PPP2R2B: variants seen among roughly 807,000 people sequenced by gnomAD.
PPP2R2B encodes the protein serine/threonine-protein phosphatase 2A 55 kDa regulatory subunit B beta isoform.
In PPP2R2B, 5 loss-of-function variants were observed where a neutral mutation model predicts 46.0. The observed-to-expected ratio is 0.11, with a 90% CI of 0.06 to 0.23. PPP2R2B has a LOEUF of 0.23. Among genes scored for constraint, PPP2R2B ranks in the 10% least tolerant of loss-of-function variants. The pLI is 1.00. For missense variants in PPP2R2B, 367 were observed against 575.0 expected (o/e 0.64, Z 3.70); for synonymous variants, 215 against 206.7 (o/e 1.04, Z -0.34).
chr5:146,734,699 C>A (rs1459333401), intron 2 of PPP2R2B, among the ~76,000 whole-genome samples: 2 of 152,116 alleles, frequency 1.3e-5, no homozygotes, highest in East Asian at 1.9e-4. Flanking sequence ...CAAACTGAGA[C>A]CCTCTGCTGT....
chr5:146,966,051 A>T (rs1410031800), intron 1 of PPP2R2B, among the ~76,000 whole-genome samples: 1 of 152,236 alleles, frequency 6.6e-6, no homozygotes, highest in African/African-American at 2.4e-5. Context: ...TATTTCAGAC[A>T]TAAAATGCAA....
chr5:146,637,182 T>C (rs1340797986), intron 7 of PPP2R2B, among the ~76,000 whole-genome samples: 1 of 152,198 alleles, frequency 6.6e-6, no homozygotes, highest in East Asian at 1.9e-4. Flanking sequence ...CCCCTCAGAG[T>C]TCTTTATTGT....
At chr5:146,961,864 C>T (rs1752187377) in intron 1 of PPP2R2B, among the ~76,000 whole-genome samples, 1 of 151,736 alleles carries the variant, frequency 6.6e-6, no homozygotes, top group Non-Finnish European at 1.5e-5. Flanking sequence ...TATGGTGTCC[C>T]TATTAGTCAA....
At position 146,729,522 on chromosome 5, in the gene PPP2R2B, A is replaced by C. The variant is rs188417357; in HGVS notation, c.71-28380T>G. On this transcript the variant is annotated intron_variant, in intron 2 of 9. Coordinates refer to ENST00000394411, the MANE Select transcript of PPP2R2B (RefSeq NM_181675.4). ...AAAATGTCTCCAGGCCATGTGAGAG[A>C]CCTTCATGACAGCCCCTCCCATCAC... Among the ~76,000 whole-genome samples the C allele has an allele frequency of 2.1e-3, 320 of 152,274 alleles. 1 individual carries two copies. The highest frequency in any genetic ancestry group is 7.1e-3 in the African/African-American group (294 of 41,560).
At chr5:146,779,681 C>T (rs1273356305) in intron 2 of PPP2R2B, among the ~76,000 whole-genome samples, 1 of 152,108 alleles carries the variant, frequency 6.6e-6, no homozygotes, top group Non-Finnish European at 1.5e-5. Context: ...ATTATAGATG[C>T]ATGCTTGGTC....
chr5:146,912,287 C>A (rs1323719882), intron 1 of PPP2R2B, among the ~76,000 whole-genome samples: 4 of 150,264 alleles, frequency 2.7e-5, no homozygotes, highest in Non-Finnish European at 4.4e-5. Context: ...TACAGCATAC[C>A]CTAAAGAGAG....
intron 1 of PPP2R2B, among the ~76,000 whole-genome samples, chr5:146,899,440 C>T (rs1762752796): frequency 1.5e-5 from 2 of 130,262 alleles, no homozygotes; most frequent in Non-Finnish European, 3.1e-5. Flanking sequence ...CACATGGACA[C>T]AGGAAGGGGA....
chr5:146,672,580 A>C (rs541522063), intron 5 of PPP2R2B, among the ~76,000 whole-genome samples: 1 of 152,150 alleles, frequency 6.6e-6, no homozygotes, highest in Non-Finnish European at 1.5e-5. Flanking sequence ...TTAAAGTTAC[A>C]TTATCTATCC....
intron 2 of PPP2R2B, among the ~76,000 whole-genome samples, chr5:147,072,713 C>T (rs556813447): frequency 1.3e-5 from 2 of 152,152 alleles, no homozygotes; most frequent in Non-Finnish European, 1.5e-5. Flanking sequence ...ATTATTATTA[C>T]TCTACCCTGA....
chr5:146,915,545 T>C (rs917460060), intron 1 of PPP2R2B, among the ~76,000 whole-genome samples: 4 of 152,120 alleles, frequency 2.6e-5, no homozygotes, highest in African/African-American at 9.7e-5. Context: ...CTATGTGAAA[T>C]TTTAGCACTC....
chr5:147,009,059 T>C (rs1489036363), intron 1 of PPP2R2B, among the ~76,000 whole-genome samples: 1 of 152,154 alleles, frequency 6.6e-6, no homozygotes. Flanking sequence ...CTGCATTACT[T>C]TTAGAAAGCT....
chr5:146,767,782 G>A (rs144634596), intron 2 of PPP2R2B, among the ~76,000 whole-genome samples: 91 of 152,114 alleles, frequency 6.0e-4, no homozygotes, highest in Non-Finnish European at 7.6e-4. Flanking sequence ...TTCACTCTTC[G>A]CATTGCACAT....
chr5:146,642,999 G>A (rs117813294), intron 6 of PPP2R2B, among the ~76,000 whole-genome samples: 3,108 of 152,310 alleles, frequency 0.02, 50 homozygotes, highest in Admixed American at 0.062. Flanking sequence ...TGAGGCTGCA[G>A]TGAGTGGTAA....
chr5:147,004,690 C>T (rs998599887), intron 1 of PPP2R2B, among the ~76,000 whole-genome samples: 3 of 152,140 alleles, frequency 2.0e-5, no homozygotes, highest in African/African-American at 7.2e-5. Context: ...TTGTTGTCCC[C>T]TGCTTGAGGA....
At chr5:146,931,271 G>A (rs952000819) in intron 1 of PPP2R2B, among the ~76,000 whole-genome samples, 5 of 152,246 alleles carry the variant, frequency 3.3e-5, no homozygotes, top group South Asian at 4.2e-4. Context: ...TCTGAGTGCA[G>A]ATCCAATCTG....
intron 7 of PPP2R2B, among the ~76,000 whole-genome samples, chr5:146,621,483 A>C (rs969552667): frequency 1.3e-5 from 2 of 152,204 alleles, no homozygotes; most frequent in Non-Finnish European, 2.9e-5. Flanking sequence ...GAGAACAGAC[A>C]CTGGCGGCCC....
chr5:146,927,737 CT>C lies in PPP2R2B; in HGVS notation c.79+127927del, dbSNP rs1203303963. On this transcript the variant is annotated intron_variant, in intron 1 of 8. Transcript: ENST00000336640. The stretch of plus-strand genomic sequence containing the variant: ...TGAGACCTTGTAGCCATACTTTCTT[CT>C]TTTTTTTTTTTTTTAGATGGAGTCT... Among the ~76,000 whole-genome samples the C allele has an allele frequency of 6.2e-3, 884 of 142,054 alleles. 1 individual carries two copies. The highest frequency in any genetic ancestry group is 6.3e-3 in the Admixed American group (88 of 14,064). The allele number at this position is 142,054 out of a possible 152,430, so 93.2% of individuals were successfully genotyped here.
chr5:147,049,602 A>G (rs576768224), intron 1 of PPP2R2B, among the ~76,000 whole-genome samples: 2 of 152,304 alleles, frequency 1.3e-5, no homozygotes, highest in African/African-American at 4.8e-5. Flanking sequence ...TTCAATATTT[A>G]CAGTTTAGGA....
intron 1 of PPP2R2B, among the ~76,000 whole-genome samples, chr5:147,020,170 T>C (rs1207289306): frequency 6.6e-6 from 1 of 152,112 alleles, no homozygotes; most frequent in Non-Finnish European, 1.5e-5. Flanking sequence ...TCCATAGTCA[T>C]TCCTTCTAAT....
Sources: allele counts gnomAD v4.1 joint callset (sites outside exome capture counted in the v4.1 genomes callset), GRCh38; gene constraint gnomAD v4.1.1; transcripts MANE v1.5; gene names NCBI Gene and HGNC (gene_info 2026-07-23, HGNC 2026-07-21).